Variants in STK32B observed in about 807,000 individuals in gnomAD.
STK32B encodes the protein serine/threonine kinase 32B.
Under a neutral mutation model 52.6 loss-of-function variants are expected in STK32B, and 43 were observed. The ratio of observed to expected loss-of-function variants is 0.82; its 90% CI spans 0.64 to 1.05. The LOEUF (loss-of-function observed/expected upper bound fraction) is 1.05. Among genes scored for constraint, STK32B ranks in the 50% least tolerant of loss-of-function variants. The pLI is 0.00. For missense variants in STK32B, 621 were observed against 534.6 expected (o/e 1.16, Z -1.59); for synonymous variants, 238 against 204.3 (o/e 1.17, Z -1.41).
chr4:5,191,791 C>G (rs924597422), intron 3 of STK32B, among the ~76,000 whole-genome samples: 2 of 152,130 alleles, frequency 1.3e-5, no homozygotes, highest in African/African-American at 2.4e-5. Flanking sequence ...AAAAGAATTA[C>G]GGGCTTAACA....
chr4:5,376,320 A>G (rs1735580530), intron 4 of STK32B, among the ~76,000 whole-genome samples: 1 of 152,100 alleles, frequency 6.6e-6, no homozygotes, highest in African/African-American at 2.4e-5. Context: ...CCAAATAAAT[A>G]TTTACTGTAT....
chr4:5,377,313 C>T (rs1003089373), intron 4 of STK32B, among the ~76,000 whole-genome samples: 1 of 152,138 alleles, frequency 6.6e-6, no homozygotes, highest in Non-Finnish European at 1.5e-5. Flanking sequence ...TAAGAACTTA[C>T]CTTCAAAGGG....
chr4:5,197,683 C>T (rs901313382), intron 3 of STK32B, among the ~76,000 whole-genome samples: 2 of 152,182 alleles, frequency 1.3e-5, no homozygotes, highest in African/African-American at 4.8e-5. Context: ...ACAGTTATAC[C>T]TCTTAACTAG....
At chr4:5,035,664 C>A in the STK32B span, among the ~76,000 whole-genome samples, 4 of 152,266 alleles carry the variant, frequency 2.6e-5, no homozygotes, top group African/African-American at 7.2e-5. Flanking sequence ...GATGGACTTC[C>A]CAGCAGAGAT....
intron 3 of STK32B, among the ~76,000 whole-genome samples, chr4:5,205,654 T>G (rs1057108941): frequency 2.0e-5 from 3 of 150,606 alleles, no homozygotes; most frequent in Non-Finnish European, 4.4e-5. Context: ...GACAGAGGAG[T>G]GAGTGAGTGA....
intron 11 of STK32B, among the ~76,000 whole-genome samples, chr4:5,474,868 T>C (rs925691857): frequency 3.9e-5 from 6 of 152,164 alleles, no homozygotes; most frequent in African/African-American, 1.4e-4. Flanking sequence ...CTCAGAAGTC[T>C]AGAGGGTTTA....
At chr4:5,488,506 A>G (rs1264680926) in intron 11 of STK32B, among the ~76,000 whole-genome samples, 2 of 152,296 alleles carry the variant, frequency 1.3e-5, no homozygotes, top group East Asian at 3.9e-4. Flanking sequence ...TAGAAAGGTT[A>G]TCATAAATAA....
intron 3 of STK32B, among the ~76,000 whole-genome samples, chr4:5,253,478 G>T (rs112979914): frequency 0.023 from 3,446 of 152,140 alleles, 122 homozygotes; most frequent in African/African-American, 0.076. Flanking sequence ...AGGCTCAAGC[G>T]ATTCTCCTGC....
chr4:5,490,820 G>C (rs970935183), intron 11 of STK32B, among the ~76,000 whole-genome samples: 1 of 152,018 alleles, frequency 6.6e-6, no homozygotes, highest in Non-Finnish European at 1.5e-5. Flanking sequence ...GAGAATATGC[G>C]GTGTTTGGTT....
intron 3 of STK32B, among the ~76,000 whole-genome samples, chr4:5,216,809 T>A (rs934505342): frequency 6.6e-6 from 1 of 152,112 alleles, no homozygotes; most frequent in Non-Finnish European, 1.5e-5. Flanking sequence ...TTAAACCAGG[T>A]GTGGTGGGTG....
Position 5,386,512 on chromosome 4 carries a change from C to A in STK32B, c.435-11695C>A, listed in dbSNP as rs930306052. 3.3e-5 allele frequency among the ~76,000 whole-genome samples: 5 copies of A among 152,148 alleles called. No individual in the cohort carries two copies. The highest frequency in any genetic ancestry group is 1.5e-5 in the Non-Finnish European group (1 of 68,032). On this transcript the variant is annotated intron_variant, in intron 4 of 11. Transcript: ENST00000282908. This position sits in a 1 kb window ranked among gnomAD's most constrained non-coding sequence, Gnocchi z 4.5. The stretch of plus-strand genomic sequence containing the variant: ...TGAAGTGCACATATTTGTAATTTGA[C>A]CTAGTAACTGAACATCTCTCAGCCT...
At chr4:5,065,978 C>T (rs1307296886) in intron 1 of STK32B, among the ~76,000 whole-genome samples, 4 of 152,308 alleles carry the variant, frequency 2.6e-5, no homozygotes, top group East Asian at 3.9e-4. Context: ...CCCGCCTCAG[C>T]CTCCCAAAGT....
chr4:5,111,400 G>GGTGT (rs985767371), intron 1 of STK32B, among the ~76,000 whole-genome samples: 3 of 152,096 alleles, frequency 2.0e-5, no homozygotes, highest in Admixed American at 2.0e-4. Flanking sequence ...AAGAAATTGT[G>GGTGT]GTGTGTGTGT....
Position 5,225,599 on chromosome 4 carries a change from C to T in STK32B, c.260+57149C>T, listed in dbSNP as rs182951545. Among the ~76,000 whole-genome samples the T allele has an allele frequency of 1.6e-3, 243 of 152,226 alleles. 1 individual carries two copies. Among genetic ancestry groups the T allele is most frequent in the African/African-American group, 5.6e-3 (233 of 41,550 alleles). ...GGCTGCAGGCCCTCCCGGTGGCTGA[C>T]AGGTTCAGAACCTTAGAGGGCTGGT... On this transcript the variant is annotated intron_variant, in intron 3 of 11. Transcript: ENST00000282908.
intron 3 of STK32B, among the ~76,000 whole-genome samples, chr4:5,184,919 A>T (rs960782527): frequency 6.6e-6 from 1 of 152,216 alleles, no homozygotes; most frequent in African/African-American, 2.4e-5. Flanking sequence ...CAAGAGAAGC[A>T]CAGGAAAATG....
chr4:5,434,475 A>AT (rs1713873226), intron 6 of STK32B, among the ~76,000 whole-genome samples: 1 of 132,100 alleles, frequency 7.6e-6, no homozygotes, highest in Non-Finnish European at 1.7e-5. Context: ...TATATATATG[A>AT]TTTTTATATT....
intron 1 of STK32B, among the ~76,000 whole-genome samples, chr4:5,106,074 G>T (rs562078372): frequency 1.3e-5 from 2 of 151,658 alleles, no homozygotes; most frequent in African/African-American, 4.8e-5. Flanking sequence ...AGGCCGAGGC[G>T]GGGGGATCAC....
At chr4:5,175,628 A>G (rs1020312136) in intron 3 of STK32B, among the ~76,000 whole-genome samples, 2 of 152,160 alleles carry the variant, frequency 1.3e-5, no homozygotes, top group Admixed American at 6.5e-5. Flanking sequence ...GTATTGGTGA[A>G]CCGCAAATGC....
chr4:5,123,098 C>T (rs1322401651), intron 1 of STK32B, among the ~76,000 whole-genome samples: 1 of 152,142 alleles, frequency 6.6e-6, no homozygotes, highest in African/African-American at 2.4e-5. Context: ...ACTTCCCCAC[C>T]TCCCCACAGA....
Sources: allele counts gnomAD v4.1 joint callset (sites outside exome capture counted in the v4.1 genomes callset), GRCh38; gene constraint gnomAD v4.1.1; non-coding constraint Gnocchi (gnomAD v3.1); transcripts MANE v1.5; gene names NCBI Gene and HGNC (gene_info 2026-07-23, HGNC 2026-07-21).